Variants in NFATC3 observed in about 807,000 individuals in gnomAD.
NFATC3 encodes the protein nuclear factor of activated T-cells, cytoplasmic 3.
A neutral mutation model predicts 98.6 loss-of-function variants in NFATC3; 46 were observed. The observed-to-expected ratio is 0.47, with a 90% CI of 0.37 to 0.60. The LOEUF is 0.60. NFATC3 is among the 20% of genes least tolerant of loss of function. The pLI is 0.00. For missense variants in NFATC3, 1,256 were observed against 1,295.5 expected, an observed-to-expected ratio of 0.97 and a Z score of 0.47; for synonymous variants, 512 against 472.2, an observed-to-expected ratio of 1.08 and a Z score of -1.09.
At chr16:68,151,720 G>A (rs2038330942) in intron 3 of NFATC3, among the ~76,000 whole-genome samples, 1 of 152,074 alleles carries the variant, frequency 6.6e-6, no homozygotes, top group African/African-American at 2.4e-5. Context: ...TTTAAAAAAT[G>A]CCTCTGCTCC....
In NFATC3 at chr16:68,198,561, A is replaced by G. The variant is rs950997538; in HGVS notation, c.3106+6786A>G. Among the ~76,000 whole-genome samples the G allele has an allele frequency of 5.3e-5, 8 of 152,292 alleles. No individual in the cohort carries two copies. The South Asian group carries it at 8.3e-4, about 16-fold the overall frequency. ...TCAAACAAAGAATACATGAAAGAAAATGCCATTTTCTCCATAGAGCCTTGA... is the reference window on the plus strand; with the variant it reads ...TCAAACAAAGAATACATGAAAGAAAGTGCCATTTTCTCCATAGAGCCTTGA... On this transcript the variant is annotated intron_variant, in intron 9 of 9. Transcript: ENST00000346183.
intron 8 of NFATC3, among the ~76,000 whole-genome samples, chr16:68,187,877 C>G (rs918563293): frequency 6.6e-6 from 1 of 152,202 alleles, no homozygotes; most frequent in Admixed American, 6.5e-5. Context: ...CTTCTCCACC[C>G]TGAAGGTGGG....
chr16:68,208,568 A>G (rs553591344), intron 9 of NFATC3, among the ~76,000 whole-genome samples: 2 of 152,198 alleles, frequency 1.3e-5, no homozygotes, highest in East Asian at 3.9e-4. Flanking sequence ...TGTCTCTACT[A>G]AAAATACAAA....
At chr16:68,174,936 G>A (rs190378955) in intron 6 of NFATC3, among the ~76,000 whole-genome samples, 5 of 152,224 alleles carry the variant, frequency 3.3e-5, no homozygotes, top group Admixed American at 3.3e-4. Context: ...TACTTGAAAG[G>A]GTTAGAAATA....
At chr16:68,213,554 A>T (rs2041510554) in intron 9 of NFATC3, among the ~76,000 whole-genome samples, 2 of 152,098 alleles carry the variant, frequency 1.3e-5, no homozygotes, top group South Asian at 4.2e-4. Context: ...CCAGGCGGGC[A>T]TGGTGGCTTA....
intron 3 of NFATC3, among the ~76,000 whole-genome samples, chr16:68,142,622 G>A (rs548569546): frequency 7.9e-5 from 12 of 152,182 alleles, no homozygotes; most frequent in African/African-American, 1.7e-4. Flanking sequence ...GCTGGGCGTG[G>A]TGGTGGGTGC....
chr16:68,112,065 A>T (rs374880624), intron 1 of NFATC3, among the ~76,000 whole-genome samples: 8 of 151,736 alleles, frequency 5.3e-5, no homozygotes, highest in Non-Finnish European at 1.0e-4. Context: ...CTTCATTTCA[A>T]CCTTGGAGAA....
intron 1 of NFATC3, among the ~76,000 whole-genome samples, chr16:68,106,733 T>G (rs974677301): frequency 6.7e-6 from 1 of 150,370 alleles, no homozygotes; most frequent in Non-Finnish European, 1.5e-5. Context: ...GACGCCTTTT[T>G]TTTTTGTTGT....
Position 68,122,479 on chromosome 16 carries a change from C to G in NFATC3, c.596C>G (p.Ala199Gly). ...GATGTGGACTCAGAGTTGAATGAAG[C>G]TGCAGCCCGATTTACCCTTGGATCC... is the stretch of plus-strand genomic sequence containing the variant. ...YDDVDSELNE[A>G]AARFTLGSPL... The change falls in exon 2 of 10, where the codon GCT becomes GGT. Residue 199 changes from alanine (A) to glycine (G), a missense_variant. By Grantham distance (60) the Ala-to-Gly change is moderately conservative. Transcript: ENST00000346183. 1 of 1,614,098 alleles carries G rather than the reference C, an allele frequency of 6.2e-7. No homozygotes were observed. Among genetic ancestry groups the G allele is most frequent in the South Asian group, 1.1e-5 (1 of 91,082 alleles).
intron 3 of NFATC3, chr16:68,138,854 T>C (rs1407163521): frequency 8.9e-7 from 1 of 1,122,052 alleles, no homozygotes; most frequent in East Asian, 6.1e-5. Flanking sequence ...AAGTCACTAA[T>C]ACGGGCTCTA....
chr16:68,170,848 A>C (rs1181087834), intron 5 of NFATC3, among the ~76,000 whole-genome samples: 1 of 151,702 alleles, frequency 6.6e-6, no homozygotes, highest in African/African-American at 2.4e-5. Flanking sequence ...TACACACACA[A>C]TGTTTTTTAA....
chr16:68,168,631 G>A (rs1023435159), intron 5 of NFATC3, among the ~76,000 whole-genome samples: 4 of 152,074 alleles, frequency 2.6e-5, no homozygotes, highest in East Asian at 1.9e-4. Flanking sequence ...GATTATAGGC[G>A]TGTGCCACCA....
chr16:68,129,672 T>G (rs912626974), intron 3 of NFATC3, among the ~76,000 whole-genome samples: 1 of 118,518 alleles, frequency 8.4e-6, no homozygotes, highest in Non-Finnish European at 1.7e-5. Context: ...GCTCCCCGCC[T>G]TTTTTTTTTT....
intron 6 of NFATC3, among the ~76,000 whole-genome samples, chr16:68,176,225 C>CT (rs1196798070): frequency 6.6e-6 from 1 of 152,170 alleles, no homozygotes; most frequent in Non-Finnish European, 1.5e-5. Flanking sequence ...ATCCACCCGT[C>CT]TCGGCCTCCC....
chr16:68,167,109 CTG>C, intron 5 of NFATC3, 94 bp downstream of exon 5: 1 of 1,280,950 alleles, frequency 7.8e-7, no homozygotes, highest in Non-Finnish European at 1.1e-6. Context: ...GAAGTGCAAA[CTG>C]AGGCATACAA....
At chr16:68,221,118 C>A in intron 9 of NFATC3, 2 of 1,472,358 alleles carry the variant, frequency 1.4e-6, no homozygotes, top group Non-Finnish European at 1.9e-6. Context: ...AATTAAATTG[C>A]AAGCATTAGT....
At chr16:68,217,899 A>G in intron 9 of NFATC3, 3 of 1,226,264 alleles carry the variant, frequency 2.4e-6, no homozygotes, top group South Asian at 4.3e-5. Context: ...GCCAGGAAAT[A>G]TACTCTGTAG....
At chr16:68,164,227 C>G (rs2039070521) in intron 4 of NFATC3, among the ~76,000 whole-genome samples, 1 of 152,240 alleles carries the variant, frequency 6.6e-6, no homozygotes, top group Non-Finnish European at 1.5e-5. Flanking sequence ...CAGCGAAACC[C>G]CGTCTCCACC....
intron 9 of NFATC3, among the ~76,000 whole-genome samples, chr16:68,206,125 T>C (rs2041134491): frequency 6.6e-6 from 1 of 152,158 alleles, no homozygotes; most frequent in Non-Finnish European, 1.5e-5. Flanking sequence ...GATTTATAAA[T>C]TTTAAAAGAG....
Sources: gnomAD v4.1 joint callset for allele counts (sites outside exome capture counted in the v4.1 genomes callset) on GRCh38, gnomAD v4.1.1 for gene constraint, MANE v1.5 for transcripts, NCBI Gene and HGNC (gene_info 2026-07-23, HGNC 2026-07-21) for gene names.